The following OR7E24 variants were observed in gnomAD, a reference collection of about 807,000 sequenced individuals.
The protein encoded by OR7E24 is olfactory receptor 7E24.
For missense variants in OR7E24, 385 were observed against 410.3 expected (o/e 0.94, Z 0.53); for synonymous variants, 130 against 157.5 (o/e 0.83, Z 1.31).
chr19:9,224,925 C>G, the OR7E24 span, among the ~76,000 whole-genome samples: 43 of 152,306 alleles, frequency 2.8e-4, no homozygotes, highest in Non-Finnish European at 5.9e-5. Context: ...TCCATTTAAA[C>G]ACTTATCAGT....
At chr19:9,227,412 T>C in the OR7E24 span, among the ~76,000 whole-genome samples, 282 of 152,228 alleles carry the variant, frequency 1.9e-3, 1 homozygote, top group African/African-American at 6.4e-3. Flanking sequence ...GTATTTTTAG[T>C]AGAGACGGGG....
the OR7E24 span, among the ~76,000 whole-genome samples, chr19:9,240,910 C>T: frequency 2.6e-5 from 4 of 151,486 alleles, no homozygotes; most frequent in South Asian, 2.1e-4. Flanking sequence ...CTCTGCCTCC[C>T]GGGTTCAAGT....
the OR7E24 span, among the ~76,000 whole-genome samples, chr19:9,217,084 G>A: frequency 2.8e-4 from 43 of 152,272 alleles, 2 homozygotes; most frequent in African/African-American, 9.6e-4. Context: ...CCCTGCTTCA[G>A]AGAATGTCTG....
the OR7E24 span, among the ~76,000 whole-genome samples, chr19:9,240,524 T>C: frequency 6.6e-6 from 1 of 152,178 alleles, no homozygotes; most frequent in Non-Finnish European, 1.5e-5. Flanking sequence ...TGTCAAAAAA[T>C]GATTTGCCAT....
the OR7E24 span, chr19:9,210,195 CT>C: frequency 1.3e-5 from 2 of 152,164 alleles, no homozygotes; most frequent in African/African-American, 2.4e-5. Flanking sequence ...AAATAGCATC[CT>C]TTCTTCCACA....
chr19:9,252,243 GAA>G lies in OR7E24; in HGVS notation c.*181_*182del. ...ATCCTTTGTTCATCATACACATCAT[GAA>G]TGATTCCAATATACCTAGACAGCCT... is the stretch of plus-strand genomic sequence containing the variant. On this transcript the variant is annotated 3_prime_UTR_variant, in exon 1 of 1. Transcript: ENST00000456448. 1.8e-6 allele frequency: 1 copy of G among 565,166 alleles called. No individual in the cohort carries two copies. The allele number at this position is 565,166 out of a possible 1,614,324, so 35.0% of individuals were successfully genotyped here. A position where few individuals can be genotyped will look rare whatever the true frequency, so the allele number is the denominator to read the frequency against.
chr19:9,225,638 A>G, the OR7E24 span, among the ~76,000 whole-genome samples: 2 of 152,138 alleles, frequency 1.3e-5, no homozygotes, highest in East Asian at 3.9e-4. Flanking sequence ...TAAGTATTTC[A>G]TCCTATTGGC....
Position 9,252,015 on chromosome 19 carries a change from C to T in OR7E24, c.972C>T (p.Gly324=). 2.5e-6 allele frequency: 4 copies of T among 1,614,124 alleles called. No individual in the cohort carries two copies. Among genetic ancestry groups the T allele is most frequent in the Non-Finnish European group, 3.4e-6 (4 of 1,180,024 alleles). Residue 324 remains glycine (G), a synonymous_variant, in exon 1 of 1, where the codon GGC becomes GGT. Transcript: ENST00000456448. ...DIQSALCRLH[G]RIIKSHHLHP... ...AAAGTGCCCTGTGCAGGCTGCATGG[C>T]AGAATCATCAAATCTCATCATCTCC...
the OR7E24 span, chr19:9,235,824 A>G: frequency 6.2e-7 from 1 of 1,611,122 alleles, no homozygotes; most frequent in Non-Finnish European, 8.5e-7. Flanking sequence ...CCTTAATGAG[A>G]ATGTCCTCCA....
At chr19:9,222,993 A>G in the OR7E24 span, among the ~76,000 whole-genome samples, 1 of 152,174 alleles carries the variant, frequency 6.6e-6, no homozygotes, top group Non-Finnish European at 1.5e-5. Flanking sequence ...TAACTCATTG[A>G]GTCTTTATCA....
At chr19:9,248,220 A>G (rs2066135884), upstream of OR7E24, among the ~76,000 whole-genome samples, 2 of 152,192 alleles carry the variant, frequency 1.3e-5, no homozygotes, top group Admixed American at 1.3e-4. Flanking sequence ...GCCAGTCACC[A>G]TGACATCATG....
At chr19:9,221,413 C>T in the OR7E24 span, among the ~76,000 whole-genome samples, 15 of 119,010 alleles carry the variant, frequency 1.3e-4, no homozygotes, top group Admixed American at 1.0e-4. Flanking sequence ...TGCAGTGGCG[C>T]GATCTCCGCT....
chr19:9,235,278 C>T, the OR7E24 span: 1 of 1,327,938 alleles, frequency 7.5e-7, no homozygotes, highest in Non-Finnish European at 1.1e-6. Context: ...ACCTACTCAT[C>T]ATCCTGGCCG....
rs185784976 is a variant in OR7E24 at position 9,251,178 on chromosome 19, C to T, written c.135C>T (p.Leu45=). 1,592 of 1,614,002 alleles carry T rather than the reference C, an allele frequency of 9.9e-4. 10 individuals carry two copies. The African/African-American group carries it at 0.018, about 18-fold the overall frequency. The change falls in exon 1 of 1, where the codon CTC becomes CTT. Residue 45 remains leucine (L), a synonymous_variant. Coordinates refer to ENST00000456448, the MANE Select transcript of OR7E24 (RefSeq NM_001079935.2). ...AGGATCCAGAACTGCAGCCGGTCCT[C>T]GCTGGGCTGTTCCTGTCCATGTACC... ...LSEDPELQPV[L]AGLFLSMYLV...
the OR7E24 span, among the ~76,000 whole-genome samples, chr19:9,237,863 T>C: frequency 1.4e-4 from 22 of 152,360 alleles, no homozygotes; most frequent in African/African-American, 5.1e-4. Flanking sequence ...ATGGTAATTA[T>C]ATGTTTAACT....
chr19:9,235,709 G>T, the OR7E24 span: 3 of 1,603,232 alleles, frequency 1.9e-6, no homozygotes, highest in South Asian at 3.3e-5. Context: ...AAGGTGGCCC[G>T]CTCTGATGCT....
At chr19:9,234,434 C>G in the OR7E24 span, among the ~76,000 whole-genome samples, 3 of 152,096 alleles carry the variant, frequency 2.0e-5, no homozygotes, top group Admixed American at 6.6e-5. Context: ...CAAAGTGATA[C>G]TGACAATCAT....
At chr19:9,220,051 T>C in the OR7E24 span, among the ~76,000 whole-genome samples, 1 of 151,848 alleles carries the variant, frequency 6.6e-6, no homozygotes, top group African/African-American at 2.4e-5. Context: ...TTCAAATTAT[T>C]TTTATATATT....
At chr19:9,216,815 C>T in the OR7E24 span, among the ~76,000 whole-genome samples, 3 of 152,290 alleles carry the variant, frequency 2.0e-5, no homozygotes, top group South Asian at 4.1e-4. Context: ...TGGTTTTGAA[C>T]TCCTGGGCTC....
Sources: allele counts gnomAD v4.1 joint callset (sites outside exome capture counted in the v4.1 genomes callset), GRCh38; gene constraint gnomAD v4.1.1; transcripts MANE v1.5; gene names NCBI Gene and HGNC (gene_info 2026-07-23, HGNC 2026-07-21).